The following TNN variants were observed in gnomAD, a reference collection of about 807,000 sequenced individuals.
TNN encodes tenascin N, also known as tenascin-N.
Under a neutral mutation model 134.4 loss-of-function variants are expected in TNN, and 122 were observed. The ratio of observed to expected loss-of-function variants is 0.91; its 90% CI spans 0.78 to 1.06. The LOEUF is 1.06. TNN is among the 50% of genes least tolerant of loss of function. The pLI, the probability that TNN is intolerant of heterozygous loss-of-function variation, is 0.00. For synonymous variants in TNN, 710 were observed against 670.3 expected (o/e 1.06, Z -0.91); for missense variants, 1,739 against 1,699.4 (o/e 1.02, Z -0.41).
intron 2 of TNN, among the ~76,000 whole-genome samples, chr1:175,078,228 C>T (rs1395422169): frequency 6.6e-6 from 1 of 152,172 alleles, no homozygotes; most frequent in East Asian, 1.9e-4. Flanking sequence ...AGCTGTGTGA[C>T]TTTGGGTAAA....
In TNN at chr1:175,093,980, T is replaced by A; in HGVS notation, c.1325-10T>A. ...TCTCTGATTTTTCTTTCTCATGTGT[T>A]TTTATGAAGAAATTGACAGTCCAAC... On this transcript the variant is annotated splice_polypyrimidine_tract_variant and intron_variant, in intron 6 of 18. Coordinates refer to ENST00000239462, the MANE Select transcript of TNN (RefSeq NM_022093.2). 6.3e-7 allele frequency: 1 copy of A among 1,582,662 alleles called. No homozygotes were observed. Among genetic ancestry groups the A allele is most frequent in the Non-Finnish European group, 8.6e-7 (1 of 1,156,998 alleles).
intron 1 of TNN, among the ~76,000 whole-genome samples, chr1:175,075,559 G>A (rs1052748023): frequency 2.6e-5 from 4 of 152,174 alleles, no homozygotes; most frequent in African/African-American, 9.7e-5. Flanking sequence ...GCCTCCCAAA[G>A]TGTTGGGATT....
Position 175,117,182 on chromosome 1 carries a change from A to T in TNN, c.2363A>T (p.Lys788Met), listed in dbSNP as rs1326459022. The T allele has an allele frequency of 1.2e-6, 2 of 1,614,268 alleles. No individual in the cohort carries two copies. Among genetic ancestry groups the T allele is most frequent in the East Asian group, 4.5e-5 (2 of 44,894 alleles). Residue 788 changes from lysine to methionine, a missense_variant, in exon 10 of 19, where the codon AAG becomes ATG. Coordinates refer to ENST00000239462, the MANE Select transcript of TNN (RefSeq NM_022093.2). Reference protein sequence around the residue: ...WAQKGAQESKKADTKAQTDID... With the variant: ...WAQKGAQESKMADTKAQTDID... ...CAGAAGGGGGCCCAGGAGAGCAAGA[A>T]GGCTGACACCAAGGCCCAGACAGGT...
chr1:175,092,516 A>G lies in TNN; in HGVS notation c.1325-1474A>G, dbSNP rs567590013. On this transcript the variant is annotated intron_variant, in intron 6 of 18. Coordinates refer to ENST00000239462, the MANE Select transcript of TNN (RefSeq NM_022093.2). Reference sequence around the variant, plus strand: ...TATTACTGCTGCTGGATTTCATGTCACAGTAACCTTTCAGTTCACACTTTA... The same window carrying G: ...TATTACTGCTGCTGGATTTCATGTCGCAGTAACCTTTCAGTTCACACTTTA... Among the ~76,000 whole-genome samples, 55 of 152,354 alleles carry G rather than the reference A, an allele frequency of 3.6e-4. 2 individuals carry two copies. The South Asian group carries it at 0.011, about 31-fold the overall frequency.
chr1:175,134,559 C>G (rs1324876572), intron 15 of TNN, among the ~76,000 whole-genome samples: 8 of 143,654 alleles, frequency 5.6e-5, no homozygotes, highest in African/African-American at 2.1e-4. Context: ...AACAAACAAA[C>G]AACAACAACA....
rs1242549409 is a variant in TNN at position 175,135,813 on chromosome 1, G to A, written c.3331-32G>A. ...TCCCAGCACCTATGTCTGTTTGGAG[G>A]GTCAGAGTGAAGTATTCATCTTCCT... On this transcript the variant is annotated intron_variant, in intron 15 of 18. Transcript: ENST00000239462. The A allele has an allele frequency of 1.9e-6, 3 of 1,551,974 alleles. No individual in the cohort carries two copies. The Admixed American group carries it at 5.0e-5, about 26-fold the overall frequency.
rs758655811 is a variant in TNN, at chr1:175,080,259, G to C, written c.881G>C (p.Ser294Thr). The part of the protein sequence containing the change: ...PSSQVDHYLL[S>T]YYPLGKELSG... ...AGCCAGGTGGATCACTACCTCCTCA[G>C]CTACTACCCCCTGGGGAAGGAGCTC... Residue 294 changes from serine to threonine, a missense_variant, in exon 4 of 19, where the codon AGC becomes ACC. By Grantham distance (58) the Ser-to-Thr change is moderately conservative (BLOSUM62 1). Transcript: ENST00000239462. 1 of 1,614,112 alleles carries C rather than the reference G, an allele frequency of 6.2e-7. No individual in the cohort carries two copies. The highest frequency in any genetic ancestry group is 8.5e-7 in the Non-Finnish European group (1 of 1,180,008).
In TNN at chr1:175,093,983, T is replaced by A; in HGVS notation, c.1325-7T>A. ...CTGATTTTTCTTTCTCATGTGTTTT[T>A]ATGAAGAAATTGACAGTCCAACCAA... is the stretch of plus-strand genomic sequence containing the variant. On this transcript the variant is annotated splice_region_variant and splice_polypyrimidine_tract_variant and intron_variant, in intron 6 of 18. Coordinates refer to ENST00000239462, the MANE Select transcript of TNN (RefSeq NM_022093.2). 1 of 1,583,092 alleles carries A rather than the reference T, an allele frequency of 6.3e-7. No homozygotes were observed. The highest frequency in any genetic ancestry group is 1.3e-5 in the African/African-American group (1 of 74,422).
intron 10 of TNN, among the ~76,000 whole-genome samples, 169 bp from the exon 11 acceptor site, chr1:175,118,392 A>ATCT (rs1290166655): frequency 1.1e-4 from 16 of 152,320 alleles, no homozygotes; most frequent in Non-Finnish European, 2.1e-4. Context: ...AGCCAGGTAT[A>ATCT]TCTTGGGGGA....
intron 6 of TNN, among the ~76,000 whole-genome samples, 155 bp downstream of exon 6, chr1:175,085,649 C>T (rs775119343): frequency 3.9e-5 from 6 of 152,020 alleles, no homozygotes; most frequent in Non-Finnish European, 7.4e-5. Context: ...CCAAGGCAGG[C>T]GGATCACCTG....
intron 12 of TNN, 42 bp from the exon 13 acceptor site, chr1:175,126,913 T>C (rs965361801): frequency 1.3e-6 from 2 of 1,577,700 alleles, no homozygotes; most frequent in Admixed American, 3.8e-5. Flanking sequence ...CTTGCCTCAG[T>C]TGTATCTTAG....
intron 11 of TNN, among the ~76,000 whole-genome samples, chr1:175,120,499 C>T (rs1397082234): frequency 1.3e-5 from 2 of 152,206 alleles, no homozygotes; most frequent in African/African-American, 4.8e-5. Context: ...CCAGGAGACC[C>T]AGGCTTCTTC....
chr1:175,093,806 C>A (rs1196957946), intron 6 of TNN, among the ~76,000 whole-genome samples, 184 bp from the exon 7 acceptor site: 1 of 151,950 alleles, frequency 6.6e-6, no homozygotes, highest in African/African-American at 2.4e-5. Context: ...ATTGGAGAGT[C>A]CTTTCTTAGT....
At chr1:175,146,840 A>T in intron 18 of TNN, 91 bp from the exon 19 acceptor site, 1 of 1,195,654 alleles carries the variant, frequency 8.4e-7, no homozygotes, top group Non-Finnish European at 1.1e-6. Context: ...ACTGGTAATT[A>T]ATTAATTAAT....
At chr1:175,086,086 C>A (rs17374654) in intron 6 of TNN, among the ~76,000 whole-genome samples, 82,782 of 151,946 alleles carry the variant, frequency 0.54, 23,073 homozygotes, top group African/African-American at 0.68. Flanking sequence ...CTTCTATCAC[C>A]GCGTTGTTTT....
intron 9 of TNN, among the ~76,000 whole-genome samples, chr1:175,101,599 C>A (rs575577156): frequency 6.7e-6 from 1 of 149,470 alleles, no homozygotes; most frequent in Non-Finnish European, 1.5e-5. Context: ...CTGATTGGTG[C>A]GTTTACAATC....
At position 175,109,072 on chromosome 1, in the gene TNN, A is replaced by ATTTTTTT. The variant is rs1160268455; in HGVS notation, c.2120-7846_2120-7840dup. ...GAATGTATTTCTTCTATCTAACTGT[A>ATTTTTTT]TTTTTTTTTTTTTTTTTTTTTTTTT... On this transcript the variant is annotated intron_variant, in intron 9 of 18. Transcript: ENST00000239462. Among the ~76,000 whole-genome samples, 140 of 61,972 alleles carry ATTTTTTT rather than the reference A, an allele frequency of 2.3e-3. 32 individuals carry two copies. The highest frequency in any genetic ancestry group is 7.2e-3 in the African/African-American group (108 of 14,910). The allele number at this position is 61,972 out of a possible 152,430, so 40.7% of individuals were successfully genotyped here. A position where few individuals can be genotyped will look rare whatever the true frequency, so the allele number is the denominator to read the frequency against.
intron 12 of TNN, among the ~76,000 whole-genome samples, chr1:175,126,214 G>C (rs1675525734): frequency 6.7e-6 from 1 of 149,930 alleles, no homozygotes; most frequent in East Asian, 2.0e-4. Context: ...CAATTCTCCT[G>C]CCTCAGCCTC....
chr1:175,097,144 A>T (rs1220126914), intron 7 of TNN, among the ~76,000 whole-genome samples: 1 of 152,224 alleles, frequency 6.6e-6, no homozygotes, highest in African/African-American at 2.4e-5. Context: ...TGTGAAGACC[A>T]ATTATTTTTA....
Sources: allele counts gnomAD v4.1 joint callset (sites outside exome capture counted in the v4.1 genomes callset), GRCh38; gene constraint gnomAD v4.1.1; transcripts MANE v1.5; gene names NCBI Gene and HGNC (gene_info 2026-07-23, HGNC 2026-07-21).